Variants in OMA1 observed in about 807,000 individuals in gnomAD.
OMA1 encodes metalloendopeptidase OMA1, mitochondrial.
In OMA1, 38 loss-of-function variants were observed where a neutral mutation model predicts 30.9. The ratio of observed to expected loss-of-function variants is 1.23; its 90% CI spans 0.95 to 1.61. The LOEUF (loss-of-function observed/expected upper bound fraction) is 1.61. Ranked by LOEUF, OMA1 falls within the 40% of genes most tolerant of loss-of-function variation. The probability of loss-of-function intolerance (pLI) is 0.00; values close to 1 mark genes in which losing one functional copy is unlikely to be tolerated. For synonymous variants in OMA1, 173 were observed against 121.9 expected, an observed-to-expected ratio of 1.42 and a Z score of -2.76; for missense variants, 461 against 349.2, an observed-to-expected ratio of 1.32 and a Z score of -2.55.
chr1:58,503,921 C>A (rs947796332), intron 8 of OMA1, among the ~76,000 whole-genome samples: 26 of 152,200 alleles, frequency 1.7e-4, no homozygotes, highest in African/African-American at 6.3e-4. Context: ...GCCTAAATTA[C>A]CAACAAATCC....
chr1:58,480,867 C>CTT lies in OMA1; in HGVS notation c.*96_*97dup, dbSNP rs67922378. On this transcript the variant is annotated 3_prime_UTR_variant, in exon 9 of 9. Transcript: ENST00000371226. ...TGTACATGATTTGACCCTGAATATC[C>CTT]TTTTTTTTTTCACTTCAAACATCAT... is the stretch of plus-strand genomic sequence containing the variant. 548 of 609,764 alleles carry CTT rather than the reference C, an allele frequency of 9.0e-4. No homozygotes were observed. Among genetic ancestry groups the CTT allele is most frequent in the South Asian group, 1.4e-3 (57 of 42,054 alleles). 37.8% of individuals were successfully genotyped at this position (609,764 alleles called of 1,614,324 possible). A position where few individuals can be genotyped will look rare whatever the true frequency, so the allele number is the denominator to read the frequency against.
At chr1:58,492,541 A>G (rs569130132) in intron 8 of OMA1, among the ~76,000 whole-genome samples, 1 of 152,332 alleles carries the variant, frequency 6.6e-6, no homozygotes, top group African/African-American at 2.4e-5. Context: ...ACAGGAAAAG[A>G]GAGAAGAATC....
chr1:58,496,234 T>C (rs977266352), intron 8 of OMA1, among the ~76,000 whole-genome samples: 1 of 152,148 alleles, frequency 6.6e-6, no homozygotes, highest in East Asian at 1.9e-4. Context: ...TCCGCATCAA[T>C]GAGTCTTTGC....
chr1:58,512,791 A>T (rs1311348059), intron 7 of OMA1, among the ~76,000 whole-genome samples: 2 of 152,202 alleles, frequency 1.3e-5, no homozygotes, highest in Non-Finnish European at 2.9e-5. Context: ...ATAAAGTCTC[A>T]GTTCTGCAAA....
rs372804595 is a variant in OMA1 at position 58,534,208 on chromosome 1, A to C, written c.853T>G (p.Trp285Gly). 1 of 871,758 alleles carries C rather than the reference A, an allele frequency of 1.1e-6. No homozygotes were observed. The highest frequency in any genetic ancestry group is 2.0e-6 in the Non-Finnish European group (1 of 501,476). 54.0% of individuals were successfully genotyped at this position (871,758 alleles called of 1,614,324 possible). The change falls in exon 4 of 9, where the codon TGG (tryptophan) becomes GGG (glycine). Residue 285 changes from tryptophan (W) to glycine (G), a missense_variant. Trp to Gly is a radical substitution (Grantham distance 184). Coordinates refer to ENST00000371226, the MANE Select transcript of OMA1 (RefSeq NM_145243.5). ...KDVPGISQIN[W>G]VIHVVDSPII... is the part of the protein sequence containing the mutation. ...GGGGAATCAACCACATGAATAACCC[A>C]ATTGATCTGAGAGATCCCTGGAACA...
intron 7 of OMA1, among the ~76,000 whole-genome samples, chr1:58,516,766 T>C (rs1054962458): frequency 6.6e-6 from 1 of 152,136 alleles, no homozygotes. Flanking sequence ...TCAGAAATAG[T>C]TCCCAGTAAC....
chr1:58,490,914 T>C (rs1175853122), intron 8 of OMA1, among the ~76,000 whole-genome samples: 2 of 144,588 alleles, frequency 1.4e-5, no homozygotes, highest in Non-Finnish European at 3.0e-5. Context: ...CACACCATTC[T>C]CCTGCCTCAG....
chr1:58,531,613 C>T (rs1503647), intron 5 of OMA1, among the ~76,000 whole-genome samples: 17,653 of 152,152 alleles, frequency 0.12, 1,206 homozygotes, highest in African/African-American at 0.18. Flanking sequence ...TGTCCCTTAA[C>T]AAATATTGTA....
rs770655770 is a variant in OMA1 at position 58,481,182 on chromosome 1, G to T, written c.1366-8C>A. On this transcript the variant is annotated splice_region_variant and splice_polypyrimidine_tract_variant and intron_variant, in intron 8 of 8. Transcript: ENST00000371226. The stretch of plus-strand genomic sequence containing the variant: ...CTCTCTAATTTTGAGAGCCTATAAA[G>T]AAATAATAAAATAAAAAAATACTAT... 8.2e-5 allele frequency: 65 copies of T among 794,568 alleles called. No homozygotes were observed. In the African/African-American group the frequency reaches 9.3e-4, roughly 11 times the overall value. The allele number at this position is 794,568 out of a possible 1,614,324, so 49.2% of individuals were successfully genotyped here.
chr1:58,508,320 G>A (rs1178257550), intron 7 of OMA1, among the ~76,000 whole-genome samples: 2 of 152,136 alleles, frequency 1.3e-5, no homozygotes, highest in Non-Finnish European at 2.9e-5. Context: ...GGAAAAATAA[G>A]TAACAGGTTG....
At chr1:58,496,510 G>C (rs118095617) in intron 8 of OMA1, among the ~76,000 whole-genome samples, 1 of 152,006 alleles carries the variant, frequency 6.6e-6, no homozygotes, top group East Asian at 1.9e-4. Flanking sequence ...TTTGTTTTTC[G>C]TATTTCTGCT....
chr1:58,535,261 T>G (rs1646497781), intron 3 of OMA1, among the ~76,000 whole-genome samples: 1 of 152,208 alleles, frequency 6.6e-6, no homozygotes, highest in African/African-American at 2.4e-5. Context: ...AAAAATGTTC[T>G]GAAATATTAC....
At chr1:58,506,243 C>T in intron 7 of OMA1, 34 bp from the exon 8 acceptor site, 1 of 841,582 alleles carries the variant, frequency 1.2e-6, no homozygotes, top group Non-Finnish European at 2.1e-6. Context: ...ACACAATGAG[C>T]TCAGTTTTGA....
At chr1:58,518,286 A>AG (rs1491359894) in intron 7 of OMA1, among the ~76,000 whole-genome samples, 12 of 13,764 alleles carry the variant, frequency 8.7e-4, no homozygotes, top group Non-Finnish European at 1.3e-3. Context: ...AGGAGAAGAG[A>AG]AGAGAAGAGA....
chr1:58,533,816 A>G (rs1346689729), intron 5 of OMA1, 137 bp downstream of exon 5: 1 of 629,732 alleles, frequency 1.6e-6, no homozygotes, highest in Non-Finnish European at 2.8e-6. Flanking sequence ...TTTTTCAGGT[A>G]GCAGATTAAG....
rs201894540 is a variant in OMA1 at position 58,521,157 on chromosome 1, A to G, written c.1215+6104T>C. Among the ~76,000 whole-genome samples, 8 of 152,326 alleles carry G rather than the reference A, an allele frequency of 5.3e-5. No individual in the cohort carries two copies. The South Asian group carries it at 8.3e-4, about 16-fold the overall frequency. ...CAAAAGGTAACTTTAAAATCATCAAATGTTCAAAAACTAAGCAATATACTT... is the reference window on the plus strand; with the variant it reads ...CAAAAGGTAACTTTAAAATCATCAAGTGTTCAAAAACTAAGCAATATACTT... On this transcript the variant is annotated intron_variant, in intron 7 of 8. Transcript: ENST00000371226.
At chr1:58,503,936 A>G (rs1557444176) in intron 8 of OMA1, among the ~76,000 whole-genome samples, 1 of 152,206 alleles carries the variant, frequency 6.6e-6, no homozygotes, top group Non-Finnish European at 1.5e-5. Context: ...AAATCCTGTC[A>G]TCACTCCTTT....
chr1:58,501,594 C>T (rs1011822570), intron 8 of OMA1, among the ~76,000 whole-genome samples: 1 of 152,196 alleles, frequency 6.6e-6, no homozygotes, highest in South Asian at 2.1e-4. Flanking sequence ...TTCCCCAAGA[C>T]AGCCACAAGC....
intron 7 of OMA1, among the ~76,000 whole-genome samples, chr1:58,509,700 A>C (rs1557446599): frequency 6.6e-6 from 1 of 151,752 alleles, no homozygotes; most frequent in Non-Finnish European, 1.5e-5. Flanking sequence ...ATAGAAAAAA[A>C]TTAAAACTAA....
Sources: allele counts gnomAD v4.1 joint callset (sites outside exome capture counted in the v4.1 genomes callset), GRCh38; gene constraint gnomAD v4.1.1; transcripts MANE v1.5; gene names NCBI Gene and HGNC (gene_info 2026-07-23, HGNC 2026-07-21).